Variants in WWOX observed in about 807,000 individuals in gnomAD.
The protein encoded by WWOX is WW domain containing oxidoreductase, also known as WW domain-containing oxidoreductase.
In WWOX, 69 loss-of-function variants were observed where a neutral mutation model predicts 46.2. The ratio of observed to expected loss-of-function variants is 1.49; its 90% CI spans 1.23 to 1.82. The LOEUF is 1.82. Among genes scored for constraint, WWOX ranks in the 40% most tolerant of loss-of-function variants. The pLI, the probability that WWOX is intolerant of heterozygous loss-of-function variation, is 0.00. For missense variants in WWOX, 919 were observed against 542.6 expected, an observed-to-expected ratio of 1.69 and a Z score of -6.89; for synonymous variants, 359 against 202.6, an observed-to-expected ratio of 1.77 and a Z score of -6.56.
chr16:78,611,180 T>G (rs530475170), intron 8 of WWOX, among the ~76,000 whole-genome samples: 3 of 152,342 alleles, frequency 2.0e-5, no homozygotes, highest in African/African-American at 7.2e-5. Context: ...GTTGAAATTT[T>G]GCCCTTGGAC....
intron 6 of WWOX, among the ~76,000 whole-genome samples, chr16:78,421,477 C>G (rs1167996163): frequency 6.6e-6 from 1 of 152,170 alleles, no homozygotes; most frequent in Non-Finnish European, 1.5e-5. Context: ...CCAAGATGAT[C>G]TCATTTTAAG....
At chr16:79,013,944 G>A (rs2047362951) in intron 8 of WWOX, among the ~76,000 whole-genome samples, 1 of 152,154 alleles carries the variant, frequency 6.6e-6, no homozygotes, top group Non-Finnish European at 1.5e-5. Flanking sequence ...CCTCCCCAGA[G>A]AGGAAGAGAG....
At chr16:79,098,053 C>T (rs944939408) in intron 8 of WWOX, among the ~76,000 whole-genome samples, 8 of 152,104 alleles carry the variant, frequency 5.3e-5, no homozygotes, top group Non-Finnish European at 1.0e-4. Context: ...TAGAGAGGCG[C>T]CTGCAGAATT....
At chr16:78,554,273 TG>T (rs1281580227) in intron 8 of WWOX, among the ~76,000 whole-genome samples, 1 of 152,122 alleles carries the variant, frequency 6.6e-6, no homozygotes, top group African/African-American at 2.4e-5. Context: ...TCACTATCAG[TG>T]GTATAAGCCC....
At chr16:78,227,927 A>C (rs1207739202) in intron 5 of WWOX, among the ~76,000 whole-genome samples, 4 of 152,138 alleles carry the variant, frequency 2.6e-5, no homozygotes, top group Non-Finnish European at 5.9e-5. Flanking sequence ...ATTGAACCCC[A>C]GTGCAGCCAT....
chr16:78,419,218 A>G (rs8056663), intron 6 of WWOX, among the ~76,000 whole-genome samples: 2,242 of 152,286 alleles, frequency 0.015, 46 homozygotes, highest in East Asian at 0.062. Context: ...AAACTCTGCA[A>G]ATTGTGTACA....
chr16:78,802,202 G>GTT (rs60554747), intron 8 of WWOX, among the ~76,000 whole-genome samples: 51 of 96,778 alleles, frequency 5.3e-4, no homozygotes, highest in African/African-American at 1.2e-3. Flanking sequence ...GTTTGTTTAG[G>GTT]TTTTTTTTTT....
chr16:78,204,384 C>A (rs2036326883), intron 5 of WWOX, among the ~76,000 whole-genome samples: 1 of 152,158 alleles, frequency 6.6e-6, no homozygotes, highest in Non-Finnish European at 1.5e-5. Flanking sequence ...TCCAACCCCT[C>A]AAACATTTAT....
At chr16:78,558,624 G>C (rs984302451) in intron 8 of WWOX, among the ~76,000 whole-genome samples, 2 of 152,208 alleles carry the variant, frequency 1.3e-5, no homozygotes, top group Non-Finnish European at 1.5e-5. Flanking sequence ...TCATTCATGA[G>C]CTTGCCTGCT....
intron 8 of WWOX, among the ~76,000 whole-genome samples, chr16:79,134,172 G>A (rs1278076551): frequency 1.5e-5 from 2 of 135,642 alleles, no homozygotes; most frequent in Non-Finnish European, 1.6e-5. Context: ...ATTATCTTAT[G>A]ATTTTTTTTT....
intron 6 of WWOX, among the ~76,000 whole-genome samples, chr16:78,403,934 C>A (rs1434269253): frequency 6.6e-6 from 1 of 152,182 alleles, no homozygotes; most frequent in Non-Finnish European, 1.5e-5. Flanking sequence ...GACCACAGAG[C>A]AGGGTTTTCC....
intron 8 of WWOX, among the ~76,000 whole-genome samples, chr16:78,942,164 A>C (rs1167951777): frequency 2.0e-5 from 3 of 152,180 alleles, no homozygotes; most frequent in African/African-American, 7.2e-5. Flanking sequence ...GGTATGGAGA[A>C]GCAGAGTGGG....
chr16:78,386,531 T>TA (rs2082063641), intron 5 of WWOX, among the ~76,000 whole-genome samples: 1 of 152,138 alleles, frequency 6.6e-6, no homozygotes, highest in African/African-American at 2.4e-5. Flanking sequence ...TTCCCCTCCT[T>TA]ACAGCGTTTT....
chr16:79,162,160 G>C (rs772471727), intron 8 of WWOX, among the ~76,000 whole-genome samples: 4 of 152,172 alleles, frequency 2.6e-5, no homozygotes, highest in East Asian at 3.9e-4. Flanking sequence ...TTGCACAAGT[G>C]TTTTCTTGGC....
intron 8 of WWOX, among the ~76,000 whole-genome samples, chr16:78,751,766 G>C (rs1019131012): frequency 6.6e-6 from 1 of 151,340 alleles, no homozygotes; most frequent in Non-Finnish European, 1.5e-5. Context: ...AAGGAGGAAG[G>C]GAAGAAGGAG....
chr16:78,891,894 C>G (rs780593568), intron 8 of WWOX: 2 of 152,158 alleles, frequency 1.3e-5, no homozygotes, highest in African/African-American at 4.8e-5. Context: ...AATGAAGGAG[C>G]AGAGTTGGTT....
chr16:78,682,328 G>A (rs1396398995), intron 8 of WWOX, among the ~76,000 whole-genome samples: 2 of 152,190 alleles, frequency 1.3e-5, no homozygotes, highest in African/African-American at 4.8e-5. Flanking sequence ...TAGAGCCACT[G>A]AAAGATGGCT....
chr16:79,065,234 T>G lies in WWOX; in HGVS notation c.1057-146374T>G, dbSNP rs76321338. Among the ~76,000 whole-genome samples, 287 of 152,266 alleles carry G rather than the reference T, an allele frequency of 1.9e-3. 5 individuals are homozygous for G. In the East Asian group the frequency reaches 0.048, roughly 26 times the overall value. On this transcript the variant is annotated intron_variant, in intron 8 of 8. Coordinates refer to ENST00000566780, the MANE Select transcript of WWOX (RefSeq NM_016373.4). ...GGGTTCTTCTTGCCTGCTGCACAGGTAAAACCCAGTTCACTGAGATGACAT... is the reference window on the plus strand; with the variant it reads ...GGGTTCTTCTTGCCTGCTGCACAGGGAAAACCCAGTTCACTGAGATGACAT...
At chr16:78,564,696 C>T (rs914310714) in intron 8 of WWOX, among the ~76,000 whole-genome samples, 3 of 152,152 alleles carry the variant, frequency 2.0e-5, no homozygotes, top group Non-Finnish European at 4.4e-5. Context: ...TTTCTGGCAC[C>T]CTTCTTCCTG....
Sources: allele counts gnomAD v4.1 joint callset (sites outside exome capture counted in the v4.1 genomes callset), GRCh38; gene constraint gnomAD v4.1.1; transcripts MANE v1.5; gene names NCBI Gene and HGNC (gene_info 2026-07-23, HGNC 2026-07-21).